Variants in ANKRD36B observed in about 807,000 individuals in gnomAD.
ANKRD36B encodes ankyrin repeat domain-containing protein 36B.
Under a neutral mutation model 135.7 loss-of-function variants are expected in ANKRD36B, and 37 were observed. The ratio of observed to expected loss-of-function variants is 0.27; its 90% CI spans 0.21 to 0.36. ANKRD36B has a LOEUF of 0.36. Ranked by LOEUF, ANKRD36B falls within the 10% of genes least tolerant of loss-of-function variation. The pLI is 1.00. For synonymous variants in ANKRD36B, 179 were observed against 348.1 expected, an observed-to-expected ratio of 0.51 and a Z score of 5.41; for missense variants, 549 against 1,037.1, an observed-to-expected ratio of 0.53 and a Z score of 6.46.
intron 1 of ANKRD36B, 109 bp from the exon 2 acceptor site, chr2:97,585,507 C>T: frequency 7.1e-7 from 1 of 1,414,700 alleles, no homozygotes; most frequent in Admixed American, 2.5e-5. Flanking sequence ...GAAAGTACAA[C>T]ATTTGTTAGC....
chr2:97,550,271 G>A (rs6739532), intron 18 of ANKRD36B, among the ~76,000 whole-genome samples: 69,357 of 131,082 alleles, frequency 0.53, 20,664 homozygotes, highest in Non-Finnish European at 0.66. Flanking sequence ...TCATCCAGTC[G>A]TGGCACCAAA....
chr2:97,547,477 G>C, intron 22 of ANKRD36B, 59 bp downstream of exon 22: 1 of 1,484,782 alleles, frequency 6.7e-7, no homozygotes, highest in South Asian at 1.2e-5. Flanking sequence ...TTTATTCAGG[G>C]AAGAGAATTT....
At chr2:97,576,641 G>A (rs911388537) in intron 5 of ANKRD36B, among the ~76,000 whole-genome samples, 195 bp from the exon 6 acceptor site, 16 of 150,746 alleles carry the variant, frequency 1.1e-4, no homozygotes, top group African/African-American at 3.4e-4. Flanking sequence ...CTCATGAAGT[G>A]AAGGCAGTAT....
rs1380691833 is a variant in ANKRD36B, at chr2:97,579,041, G to C, written c.560C>G (p.Ser187Ter). The C allele has an allele frequency of 6.2e-7, 1 of 1,603,116 alleles. No individual in the cohort carries two copies. Among genetic ancestry groups the C allele is most frequent in the Non-Finnish European group, 8.5e-7 (1 of 1,173,686 alleles). The change falls in exon 5 of 44, where the codon TCA becomes TGA. Residue 187 changes from serine (S) to a stop codon, truncating the protein, a stop_gained and splice_region_variant. Transcript: ENST00000359901. LOFTEE classifies it high-confidence loss of function. ...AAGAGTAACAGCAAGTATGAGGGCT[G>C]ATCTAAAATAACAGAGAGGTAATTA... ...NVNAIDYLGR[S>*]ALILAVTLGE... is the part of the protein sequence containing the mutation.
intron 34 of ANKRD36B, among the ~76,000 whole-genome samples, 196 bp from the exon 35 acceptor site, chr2:97,532,580 G>T (rs2078655489): frequency 1.0e-5 from 1 of 95,322 alleles, no homozygotes; most frequent in South Asian, 2.4e-4. Flanking sequence ...AAAATTAACT[G>T]GGCGTGGTGG....
chr2:97,545,818 A>G lies in ANKRD36B; in HGVS notation c.1608+15T>C, dbSNP rs190300542. ...TACAGTTAATAGTTCAAAATACAAA[A>G]GAGAGTTTAATTACCTTCAAGGATG... is the stretch of plus-strand genomic sequence containing the variant. On this transcript the variant is annotated intron_variant, in intron 23 of 43. Coordinates refer to ENST00000359901, the MANE Select transcript of ANKRD36B (RefSeq NM_001393939.1). 177 of 962,706 alleles carry G rather than the reference A, an allele frequency of 1.8e-4. 47 individuals are homozygous for G. In the African/African-American group the frequency reaches 2.7e-3, roughly 14 times the overall value. 59.6% of individuals were successfully genotyped at this position (962,706 alleles called of 1,614,324 possible). A position where few individuals can be genotyped will look rare whatever the true frequency, so the allele number is the denominator to read the frequency against.
intron 43 of ANKRD36B, among the ~76,000 whole-genome samples, chr2:97,502,128 CAAGTA>C (rs2077349829): frequency 5.6e-5 from 2 of 35,560 alleles, no homozygotes; most frequent in African/African-American, 1.3e-4. Context: ...TTTAAAAACA[CAAGTA>C]AATGAAAAAA....
chr2:97,589,671 G>A lies in ANKRD36B; in HGVS notation c.15C>T (p.Cys5=), dbSNP rs1220414273. 3.1e-6 allele frequency: 5 copies of A among 1,614,190 alleles called. No individual in the cohort carries two copies. Among genetic ancestry groups the A allele is most frequent in the African/African-American group, 2.7e-5 (2 of 75,056 alleles). ...AATGGGGAAATGCGAAGCCATCCGA[G>A]CACAAGCGCTCCATGAGGGTGGGCC... is the stretch of plus-strand genomic sequence containing the variant. MERL[C]SDGFAFPHYY... is the part of the protein sequence containing the mutation. Residue 5 remains cysteine (C), a synonymous_variant, in exon 1 of 44, where the codon TGC becomes TGT. Coordinates refer to ENST00000359901, the MANE Select transcript of ANKRD36B (RefSeq NM_001393939.1).
At chr2:97,530,825 T>A (rs2078539077) in intron 35 of ANKRD36B, among the ~76,000 whole-genome samples, 1 of 97,486 alleles carries the variant, frequency 1.0e-5, no homozygotes, top group African/African-American at 3.1e-5. Flanking sequence ...TCACTGGCCA[T>A]CAGAGAAATG....
chr2:97,556,761 T>G (rs1342264907), intron 12 of ANKRD36B, among the ~76,000 whole-genome samples, 176 bp downstream of exon 12: 2 of 151,936 alleles, frequency 1.3e-5, no homozygotes, highest in East Asian at 3.9e-4. Context: ...GTTACTAAGA[T>G]CATGACCAAG....
intron 12 of ANKRD36B, among the ~76,000 whole-genome samples, chr2:97,556,117 T>C (rs1219948944): frequency 6.6e-6 from 1 of 151,962 alleles, no homozygotes; most frequent in Admixed American, 6.6e-5. Context: ...AATATCATTG[T>C]ATTATAAAGA....
chr2:97,571,762 C>G (rs1411469673), intron 6 of ANKRD36B, among the ~76,000 whole-genome samples: 3 of 152,098 alleles, frequency 2.0e-5, no homozygotes, highest in African/African-American at 7.2e-5. Context: ...AATCATAGAG[C>G]TCATTTAATT....
chr2:97,516,208 A>C (rs1231528966), intron 36 of ANKRD36B, among the ~76,000 whole-genome samples: 1 of 63,592 alleles, frequency 1.6e-5, no homozygotes, highest in Non-Finnish European at 4.3e-5. Context: ...AAAAAAAAAA[A>C]AAAAAACATA....
In ANKRD36B at chr2:97,585,505, A is replaced by G. The variant is rs1388079100; in HGVS notation, c.162-107T>C. Reference sequence around the variant, plus strand: ...TGTAATTTTCTTGTGAAGAAAGTACAACATTTGTTAGCGCTTATTACTCAC... The same window carrying G: ...TGTAATTTTCTTGTGAAGAAAGTACGACATTTGTTAGCGCTTATTACTCAC... On this transcript the variant is annotated intron_variant, in intron 1 of 43. Transcript: ENST00000359901. 1.0e-5 allele frequency: 15 copies of G among 1,440,040 alleles called. No individual in the cohort carries two copies. In the African/African-American group the frequency reaches 2.1e-4, roughly 21 times the overall value. 89.2% of individuals were successfully genotyped at this position (1,440,040 alleles called of 1,614,324 possible). A position where few individuals can be genotyped will look rare whatever the true frequency, so the allele number is the denominator to read the frequency against.
rs2078415836 is a variant in ANKRD36B, at chr2:97,529,236, A to T, written c.2265+3075T>A. 2.1e-5 allele frequency among the ~76,000 whole-genome samples: 2 copies of T among 95,410 alleles called. 1 individual carries two copies. Among genetic ancestry groups the T allele is most frequent in the African/African-American group, 6.3e-5 (2 of 31,756 alleles). 62.6% of individuals were successfully genotyped at this position (95,410 alleles called of 152,430 possible). On this transcript the variant is annotated intron_variant, in intron 35 of 43. Coordinates refer to ENST00000359901, the MANE Select transcript of ANKRD36B (RefSeq NM_001393939.1). ...AAGTGGGCTTCATCCCTGGGATGCA[A>T]GGCTGGTTCAATATACGCAAATCAA...
chr2:97,566,973 C>CA (rs2081487535), intron 6 of ANKRD36B, among the ~76,000 whole-genome samples: 1 of 152,058 alleles, frequency 6.6e-6, no homozygotes, highest in Non-Finnish European at 1.5e-5. Context: ...TATTCCCCCA[C>CA]AGCAGTTACA....
At position 97,551,494 on chromosome 2, in the gene ANKRD36B, G is replaced by A. The variant is rs1350246201; in HGVS notation, c.1274-14C>T. 1 of 1,607,532 alleles carries A rather than the reference G, an allele frequency of 6.2e-7. No individual in the cohort carries two copies. The highest frequency in any genetic ancestry group is 8.5e-7 in the Non-Finnish European group (1 of 1,178,594). ...TCTGAGAAGACACTGAAAAGCAAAA[G>A]GGATACATAATCACTCATATGTAAC... On this transcript the variant is annotated splice_polypyrimidine_tract_variant and intron_variant, in intron 16 of 43. Transcript: ENST00000359901.
intron 10 of ANKRD36B, among the ~76,000 whole-genome samples, chr2:97,558,256 A>C (rs1295794710): frequency 1.3e-5 from 2 of 152,062 alleles, no homozygotes; most frequent in Non-Finnish European, 2.9e-5. Flanking sequence ...TTTTACAAAA[A>C]TGTTCGAATA....
intron 22 of ANKRD36B, among the ~76,000 whole-genome samples, chr2:97,546,360 C>T (rs965655937): frequency 6.6e-5 from 10 of 151,820 alleles, no homozygotes; most frequent in Admixed American, 5.9e-4. Context: ...ACTTCACATC[C>T]CTTCAGTGGA....
Sources: gnomAD v4.1 joint callset for allele counts (sites outside exome capture counted in the v4.1 genomes callset) on GRCh38, gnomAD v4.1.1 for gene constraint, MANE v1.5 for transcripts, NCBI Gene and HGNC (gene_info 2026-07-23, HGNC 2026-07-21) for gene names.